The following SORCS2 variants were observed in gnomAD, a reference collection of about 807,000 sequenced individuals.
SORCS2 encodes the protein sortilin related VPS10 domain containing receptor 2, also known as VPS10 domain-containing receptor SorCS2.
A neutral mutation model predicts 141.6 loss-of-function variants in SORCS2; 100 were observed. The ratio of observed to expected loss-of-function variants is 0.71; its 90% CI spans 0.60 to 0.83. SORCS2 has a LOEUF of 0.83. Among genes scored for constraint, SORCS2 ranks in the 40% least tolerant of loss-of-function variants. SORCS2 has a pLI of 0.00. For missense variants in SORCS2, 1,646 were observed against 1,560.2 expected (o/e 1.05, Z -0.93); for synonymous variants, 789 against 676.9 (o/e 1.17, Z -2.57).
At chr4:7,434,064 G>C in intron 2 of SORCS2, 1 of 1,611,264 alleles carries the variant, frequency 6.2e-7, no homozygotes, top group Non-Finnish European at 8.5e-7. Flanking sequence ...CCAGGGAGGG[G>C]ACCCCGTCCA....
intron 18 of SORCS2, among the ~76,000 whole-genome samples, chr4:7,722,469 A>T (rs1560111250): frequency 6.6e-6 from 1 of 152,172 alleles, no homozygotes; most frequent in Non-Finnish European, 1.5e-5. Flanking sequence ...GCCTGAACCC[A>T]CACAAGTCTC....
chr4:7,327,175 C>T (rs189938511), intron 1 of SORCS2, among the ~76,000 whole-genome samples: 28 of 152,356 alleles, frequency 1.8e-4, no homozygotes, highest in Admixed American at 3.3e-4. Context: ...CGTCAAACAA[C>T]AGAAATGCAT....
chr4:7,552,549 G>A (rs1052624818), intron 3 of SORCS2, among the ~76,000 whole-genome samples: 1 of 152,208 alleles, frequency 6.6e-6, no homozygotes. Flanking sequence ...GAAACAAAGA[G>A]AGAGACCATG....
intron 1 of SORCS2, among the ~76,000 whole-genome samples, chr4:7,267,722 T>C (rs1486374486): frequency 6.6e-6 from 1 of 152,228 alleles, no homozygotes; most frequent in Non-Finnish European, 1.5e-5. Context: ...TCCCAGCTTC[T>C]CAGGAGGCTG....
chr4:7,318,738 G>C (rs1431761393), intron 1 of SORCS2, among the ~76,000 whole-genome samples: 3 of 152,054 alleles, frequency 2.0e-5, no homozygotes, highest in Non-Finnish European at 4.4e-5. Flanking sequence ...GGTTTATTGA[G>C]GTTGAATTTC....
intron 2 of SORCS2, among the ~76,000 whole-genome samples, chr4:7,500,306 C>T (rs1032333261): frequency 2.7e-5 from 2 of 74,174 alleles, no homozygotes; most frequent in Non-Finnish European, 5.1e-5. Context: ...GATCAATACT[C>T]GCCTTCCTTA....
chr4:7,550,622 CT>C (rs1335100536), intron 3 of SORCS2, among the ~76,000 whole-genome samples: 1 of 152,238 alleles, frequency 6.6e-6, no homozygotes, highest in African/African-American at 2.4e-5. Flanking sequence ...CACACAGCTG[CT>C]GTTACAAAGA....
At chr4:7,536,325 G>A (rs917304608) in intron 3 of SORCS2, among the ~76,000 whole-genome samples, 2 of 152,214 alleles carry the variant, frequency 1.3e-5, no homozygotes, top group Non-Finnish European at 2.9e-5. Flanking sequence ...CCGGCACACA[G>A]TTTGATAGTG....
intron 1 of SORCS2, among the ~76,000 whole-genome samples, chr4:7,247,222 G>C (rs1163736504): frequency 6.6e-6 from 1 of 152,160 alleles, no homozygotes; most frequent in Non-Finnish European, 1.5e-5. Context: ...AATTAGGAAG[G>C]CTTCAACCAC....
intron 2 of SORCS2, among the ~76,000 whole-genome samples, chr4:7,435,414 G>A (rs1054413676): frequency 2.6e-5 from 4 of 152,228 alleles, no homozygotes; most frequent in East Asian, 1.9e-4. Flanking sequence ...GTTTTCTAAC[G>A]TGGCCTCAGG....
chr4:7,580,678 G>A (rs1263433456), intron 3 of SORCS2, among the ~76,000 whole-genome samples: 1 of 152,220 alleles, frequency 6.6e-6, no homozygotes, highest in Non-Finnish European at 1.5e-5. Context: ...GCAGCAGCAA[G>A]CATCCCCTAA....
intron 2 of SORCS2, among the ~76,000 whole-genome samples, chr4:7,437,127 C>T (rs10027137): frequency 2.9e-4 from 44 of 152,202 alleles, no homozygotes; most frequent in African/African-American, 5.3e-4. Flanking sequence ...AGACCCCACA[C>T]GTTAAGGGCT....
chr4:7,298,969 A>G (rs890361640), intron 1 of SORCS2, among the ~76,000 whole-genome samples: 5 of 152,372 alleles, frequency 3.3e-5, no homozygotes, highest in South Asian at 4.1e-4. Context: ...CCAGCATCGC[A>G]GAGTTGTGCA....
chr4:7,338,931 C>T (rs963847079), intron 1 of SORCS2, among the ~76,000 whole-genome samples: 1 of 152,158 alleles, frequency 6.6e-6, no homozygotes, highest in Admixed American at 6.5e-5. Flanking sequence ...CATACCCGCA[C>T]CAGGGAGCTG....
intron 3 of SORCS2, among the ~76,000 whole-genome samples, chr4:7,551,969 C>A (rs139805030): frequency 2.0e-5 from 3 of 152,312 alleles, no homozygotes; most frequent in African/African-American, 7.2e-5. Context: ...CTCTGCAAAT[C>A]ATGGCGTCCT....
chr4:7,205,236 C>G (rs1727669889), intron 1 of SORCS2, among the ~76,000 whole-genome samples: 1 of 152,136 alleles, frequency 6.6e-6, no homozygotes, highest in African/African-American at 2.4e-5. Flanking sequence ...GGACACACAC[C>G]CAGGGGTTTT....
At chr4:7,588,336 C>T (rs550585860) in intron 3 of SORCS2, among the ~76,000 whole-genome samples, 4 of 152,238 alleles carry the variant, frequency 2.6e-5, no homozygotes, top group South Asian at 4.2e-4. Flanking sequence ...GGTTTTGTTT[C>T]GGATGAGGAG....
At position 7,676,147 on chromosome 4, in the gene SORCS2, G is replaced by A. The variant is rs777328355; in HGVS notation, c.1259G>A (p.Arg420Gln). 26 of 1,568,088 alleles carry A rather than the reference G, an allele frequency of 1.7e-5. No homozygotes were observed. The highest frequency in any genetic ancestry group is 5.6e-5 in the Admixed American group (3 of 53,484). ...TACAACCTGTACCAGTCGGACCCAC[G>A]GGGCGTGCGCTACGCGCTGGTGCTG... ...DTYNLYQSDP[R>Q]GVRYALVLQD... The change falls in exon 9 of 27, where the codon CGG (arginine) becomes CAG (glutamine). Residue 420 changes from arginine (R) to glutamine (Q), a missense_variant. Physicochemically the swap from Arg to Gln is conservative, Grantham distance 43. Coordinates refer to ENST00000507866, the MANE Select transcript of SORCS2 (RefSeq NM_020777.3).
rs909903863 is a variant in SORCS2, at chr4:7,741,306, G to C, written c.*1042G>C. On this transcript the variant is annotated 3_prime_UTR_variant, in exon 27 of 27. Transcript: ENST00000507866. ...CAAGAAGGGGAAACTGAGGCCCAGG[G>C]AGGAGAGTAACTGAAGGTCACAGCA... 1 of 399,068 alleles carries C rather than the reference G, an allele frequency of 2.5e-6. No homozygotes were observed. The highest frequency in any genetic ancestry group is 4.4e-6 in the Non-Finnish European group (1 of 226,152). 24.7% of individuals were successfully genotyped at this position (399,068 alleles called of 1,614,324 possible). A position where few individuals can be genotyped will look rare whatever the true frequency, so the allele number is the denominator to read the frequency against.
Sources: allele counts gnomAD v4.1 joint callset (sites outside exome capture counted in the v4.1 genomes callset), GRCh38; gene constraint gnomAD v4.1.1; transcripts MANE v1.5; gene names NCBI Gene and HGNC (gene_info 2026-07-23, HGNC 2026-07-21).